The following TBC1D5 variants were observed in gnomAD, a reference collection of about 807,000 sequenced individuals.
TBC1D5 encodes the protein TBC1 domain family member 5.
In TBC1D5, 75 loss-of-function variants were observed where a neutral mutation model predicts 100.3. The ratio of observed to expected loss-of-function variants is 0.75; its 90% CI spans 0.62 to 0.91. TBC1D5 has a LOEUF of 0.91. TBC1D5 is among the 40% of genes least tolerant of loss of function. The probability of loss-of-function intolerance (pLI) is 0.00; values close to 1 mark genes in which losing one functional copy is unlikely to be tolerated. For missense variants in TBC1D5, 910 were observed against 942.4 expected (o/e 0.97, Z 0.45); for synonymous variants, 323 against 325.6 (o/e 0.99, Z 0.09).
chr3:17,251,712 C>T (rs1224847293), intron 16 of TBC1D5, among the ~76,000 whole-genome samples: 4 of 152,096 alleles, frequency 2.6e-5, no homozygotes, highest in Admixed American at 6.6e-5. Flanking sequence ...TTTTCCATTA[C>T]GTGTATGGAT....
intron 1 of TBC1D5, among the ~76,000 whole-genome samples, chr3:17,663,676 A>T (rs1030876472): frequency 2.0e-5 from 3 of 152,166 alleles, no homozygotes; most frequent in Non-Finnish European, 4.4e-5. Context: ...TCTAACCAGT[A>T]AGTCCATTTC....
At chr3:17,393,895 A>C (rs2093427892) in intron 8 of TBC1D5, among the ~76,000 whole-genome samples, 1 of 152,196 alleles carries the variant, frequency 6.6e-6, no homozygotes, top group Admixed American at 6.5e-5. Flanking sequence ...AGGCAATACC[A>C]TTCAGGACAC....
chr3:17,469,942 A>C (rs1333289638), intron 3 of TBC1D5, among the ~76,000 whole-genome samples: 1 of 152,236 alleles, frequency 6.6e-6, no homozygotes, highest in Non-Finnish European at 1.5e-5. Flanking sequence ...TTACATAAAG[A>C]ATTTAGTTAA....
chr3:17,166,939 A>C lies in TBC1D5; in HGVS notation c.1933-11T>G. On this transcript the variant is annotated splice_polypyrimidine_tract_variant and intron_variant, in intron 20 of 21. Transcript: ENST00000253692. ...TAGAATGTCTTTGATCTATTTTCAA[A>C]GAAGAAGAAAATAAATGAAAAAAAT... The C allele has an allele frequency of 1.9e-6, 3 of 1,586,472 alleles. No homozygotes were observed. Among genetic ancestry groups the C allele is most frequent in the Non-Finnish European group, 2.6e-6 (3 of 1,167,940 alleles).
chr3:17,673,965 T>C (rs541650801), intron 1 of TBC1D5, among the ~76,000 whole-genome samples: 1 of 152,346 alleles, frequency 6.6e-6, no homozygotes, highest in Admixed American at 6.5e-5. Context: ...TTCTCTCATT[T>C]GCTATGAGAA....
chr3:17,524,484 A>G (rs777871707), intron 2 of TBC1D5: 5 of 152,224 alleles, frequency 3.3e-5, no homozygotes, highest in African/African-American at 1.2e-4. Flanking sequence ...GTGAAAAACC[A>G]TAAGCAATCT....
At chr3:17,677,797 C>G (rs1246203201) in intron 1 of TBC1D5, among the ~76,000 whole-genome samples, 1 of 152,152 alleles carries the variant, frequency 6.6e-6, no homozygotes, top group Non-Finnish European at 1.5e-5. Flanking sequence ...ACATATACAC[C>G]ATGGAATACA....
chr3:17,190,895 C>A (rs2069794071), intron 18 of TBC1D5, among the ~76,000 whole-genome samples: 1 of 152,054 alleles, frequency 6.6e-6, no homozygotes, highest in African/African-American at 2.4e-5. Flanking sequence ...CTTTCTTGAG[C>A]AGATGGGTGA....
At chr3:17,574,069 C>T (rs1211306079) in intron 2 of TBC1D5, among the ~76,000 whole-genome samples, 1 of 151,936 alleles carries the variant, frequency 6.6e-6, no homozygotes, top group Non-Finnish European at 1.5e-5. Flanking sequence ...GTAATTTCTG[C>T]TTGGTCGCTC....
intron 8 of TBC1D5, among the ~76,000 whole-genome samples, chr3:17,387,646 C>A (rs914439096): frequency 2.0e-5 from 3 of 151,786 alleles, no homozygotes; most frequent in Admixed American, 2.0e-4. Flanking sequence ...ACTCATTACA[C>A]TTCTAGGTTT....
intron 9 of TBC1D5, among the ~76,000 whole-genome samples, chr3:17,377,405 T>C (rs186421874): frequency 6.6e-6 from 1 of 152,220 alleles, no homozygotes; most frequent in African/African-American, 2.4e-5. Context: ...TTCCACATTA[T>C]GGCTACCTTT....
chr3:17,337,222 G>GC (rs2088038417), intron 13 of TBC1D5, among the ~76,000 whole-genome samples: 1 of 144,656 alleles, frequency 6.9e-6, no homozygotes, highest in Non-Finnish European at 1.5e-5. Flanking sequence ...TATTTCTAAT[G>GC]AGCTCCCAAG....
At chr3:17,441,764 T>C (rs1020737083) in intron 3 of TBC1D5, among the ~76,000 whole-genome samples, 6 of 152,268 alleles carry the variant, frequency 3.9e-5, no homozygotes, top group Non-Finnish European at 7.3e-5. Context: ...TTTTATTTCA[T>C]GCATAGTAAA....
chr3:17,163,218 G>GAGCTGAC (rs1169837198), intron 21 of TBC1D5, among the ~76,000 whole-genome samples: 5 of 151,930 alleles, frequency 3.3e-5, no homozygotes, highest in Non-Finnish European at 7.4e-5. Context: ...AAGCAAGTTA[G>GAGCTGAC]AGCTGACAGG....
intron 1 of TBC1D5, among the ~76,000 whole-genome samples, chr3:17,657,999 CTA>C (rs550187001): frequency 1.3e-5 from 2 of 152,148 alleles, no homozygotes; most frequent in Non-Finnish European, 2.9e-5. Flanking sequence ...TGTTCCTTTT[CTA>C]TGTTTAGATA....
chr3:17,717,700 T>C (rs1464755209), intron 1 of TBC1D5, among the ~76,000 whole-genome samples: 2 of 152,226 alleles, frequency 1.3e-5, no homozygotes, highest in Non-Finnish European at 2.9e-5. Context: ...AATTTTGATA[T>C]ATGCTTTCTA....
chr3:17,694,236 G>C (rs180956497), intron 1 of TBC1D5, among the ~76,000 whole-genome samples: 3 of 152,328 alleles, frequency 2.0e-5, no homozygotes, highest in African/African-American at 7.2e-5. Context: ...AAGCTGTACA[G>C]AGAACGACTT....
chr3:17,455,165 TACACACAC>T, intron 3 of TBC1D5, among the ~76,000 whole-genome samples: 1 of 140,826 alleles, frequency 7.1e-6, no homozygotes, highest in South Asian at 2.2e-4. Flanking sequence ...AAAAAAAGTA[TACACACAC>T]ACACACACAC....
At position 17,329,994 on chromosome 3, in the gene TBC1D5, A is replaced by G. The variant is rs373279292; in HGVS notation, c.996-21860T>C. Among the ~76,000 whole-genome samples, 170 of 152,284 alleles carry G rather than the reference A, an allele frequency of 1.1e-3. 2 individuals are homozygous for G. In the East Asian group the frequency reaches 0.012, roughly 11 times the overall value. ...TACATATTGCTGCTCCTCAAACTCCATAAGACTCTTCATTTACAGACAACA... is the reference window on the plus strand; with the variant it reads ...TACATATTGCTGCTCCTCAAACTCCGTAAGACTCTTCATTTACAGACAACA... On this transcript the variant is annotated intron_variant, in intron 13 of 21. Transcript: ENST00000253692.
Sources: gnomAD v4.1 joint callset for allele counts (sites outside exome capture counted in the v4.1 genomes callset) on GRCh38, gnomAD v4.1.1 for gene constraint, MANE v1.5 for transcripts, NCBI Gene and HGNC (gene_info 2026-07-23, HGNC 2026-07-21) for gene names.